FGF8: variants seen among roughly 807,000 people sequenced by gnomAD.
The protein encoded by FGF8 is fibroblast growth factor 8.
A neutral mutation model predicts 29.7 loss-of-function variants in FGF8; 12 were observed. The ratio of observed to expected loss-of-function variants is 0.40; its 90% CI spans 0.26 to 0.65. The LOEUF (loss-of-function observed/expected upper bound fraction) is 0.65, where lower values mean the gene tolerates loss of function less well. FGF8 is among the 30% of genes least tolerant of loss of function. FGF8 has a pLI of 0.37. For missense variants in FGF8, 271 were observed against 345.1 expected (o/e 0.79, Z 1.70); for synonymous variants, 157 against 144.4 (o/e 1.09, Z -0.63).
At chr10:101,779,202 TC>T (rs2065122679), upstream of FGF8, among the ~76,000 whole-genome samples, 7 of 151,650 alleles carry the variant, frequency 4.6e-5, no homozygotes, top group Admixed American at 4.6e-4. The surrounding 1 kb of genome is among the most constrained non-coding windows in gnomAD (Gnocchi z 5.7). Flanking sequence ...CGCAGCTCGC[TC>T]CGACGCGCGC....
chr10:101,771,375 T>C lies in FGF8; in HGVS notation c.444+88A>G. 1.0e-6 allele frequency: 1 copy of C among 989,776 alleles called. No homozygotes were observed. The highest frequency in any genetic ancestry group is 1.6e-6 in the Non-Finnish European group (1 of 616,986). 61.3% of individuals were successfully genotyped at this position (989,776 alleles called of 1,614,324 possible). A position where few individuals can be genotyped will look rare whatever the true frequency, so the allele number is the denominator to read the frequency against. ...TGGCCTTCTGCCTACCTTGTTGGGATCAGAGCCCAGGACTGTCTTGGAGGA... is the reference window on the plus strand; with the variant it reads ...TGGCCTTCTGCCTACCTTGTTGGGACCAGAGCCCAGGACTGTCTTGGAGGA... On this transcript the variant is annotated intron_variant, in intron 5 of 5. Coordinates refer to ENST00000320185, the MANE Select transcript of FGF8 (RefSeq NM_033163.5). This position sits in a 1 kb window ranked among gnomAD's most constrained non-coding sequence, Gnocchi z 5.3.
At chr10:101,777,331 C>A (rs1413244011), upstream of FGF8, among the ~76,000 whole-genome samples, 2 of 152,140 alleles carry the variant, frequency 1.3e-5, no homozygotes, top group African/African-American at 4.8e-5. Context: ...CTGCTGTCTT[C>A]ACTTACAACC....
rs979949869 is a variant in FGF8 at position 101,771,226 on chromosome 10, A to AC, written c.444+236dup. 1.3e-5 allele frequency among the ~76,000 whole-genome samples: 2 copies of AC among 151,300 alleles called. No individual in the cohort carries two copies. Among genetic ancestry groups the AC allele is most frequent in the African/African-American group, 4.9e-5 (2 of 41,078 alleles). On this transcript the variant is annotated intron_variant, in intron 5 of 5. Coordinates refer to ENST00000320185, the MANE Select transcript of FGF8 (RefSeq NM_033163.5). This position sits in a 1 kb window ranked among gnomAD's most constrained non-coding sequence, Gnocchi z 5.3. ...AGATATATGGAATTTACCAACCACC[A>AC]CCCCCCAGCCCCTTCCCTAGCCTTC...
At position 101,770,426 on chromosome 10, in the gene FGF8, G is replaced by T. The variant is rs1252351111; in HGVS notation, c.638C>A (p.Thr213Asn). Residue 213 changes from threonine to asparagine, a missense_variant, in exon 6 of 6, where the codon ACC becomes AAC. By Grantham distance (65) the Thr-to-Asn change is moderately conservative. Coordinates refer to ENST00000320185, the MANE Select transcript of FGF8 (RefSeq NM_033163.5). ...CTCGAAGCGCAGGCTCTGCTCGGTGGTGTGGTGGCCCCGGGGCAGCCGCTT... is the reference window on the plus strand; with the variant it reads ...CTCGAAGCGCAGGCTCTGCTCGGTGTTGTGGTGGCCCCGGGGCAGCCGCTT... ...FMKRLPRGHH[T>N]TEQSLRFEFL... is the part of the protein sequence containing the mutation. 1 of 1,609,122 alleles carries T rather than the reference G, an allele frequency of 6.2e-7. No homozygotes were observed. Among genetic ancestry groups the T allele is most frequent in the African/African-American group, 1.3e-5 (1 of 74,904 alleles).
chr10:101,771,617 G>A lies in FGF8; in HGVS notation c.338-48C>T. On this transcript the variant is annotated intron_variant, in intron 4 of 5. Transcript: ENST00000320185. This position sits in a 1 kb window ranked among gnomAD's most constrained non-coding sequence, Gnocchi z 5.3. ...GGCTATTGGCAGATCCCTGACCCCA[G>A]CTGGCCCACACACTTGTCACAGCCC... 6.8e-7 allele frequency: 1 copy of A among 1,474,460 alleles called. No homozygotes were observed. Among genetic ancestry groups the A allele is most frequent in the Non-Finnish European group, 9.5e-7 (1 of 1,054,750 alleles). 91.3% of individuals were successfully genotyped at this position (1,474,460 alleles called of 1,614,324 possible).
rs1009658962 is a variant in FGF8 at position 101,772,823 on chromosome 10, G to T, written c.338-1254C>A. On this transcript the variant is annotated intron_variant, in intron 4 of 5. Transcript: ENST00000320185. The surrounding 1 kb of genome is among the most constrained non-coding windows in gnomAD (Gnocchi z 4.4). Reference sequence around the variant, plus strand: ...AAGCCCCCGGTTTGGCCCCAAGTCAGCAGGGAAATGCAGCTGTCACCTCCC... The same window carrying T: ...AAGCCCCCGGTTTGGCCCCAAGTCATCAGGGAAATGCAGCTGTCACCTCCC... 3.3e-5 allele frequency among the ~76,000 whole-genome samples: 5 copies of T among 152,160 alleles called. No homozygotes were observed. Among genetic ancestry groups the T allele is most frequent in the Non-Finnish European group, 7.4e-5 (5 of 68,018 alleles).
intron 4 of FGF8, among the ~76,000 whole-genome samples, chr10:101,773,741 G>A (rs1159986292): frequency 6.6e-6 from 1 of 152,178 alleles, no homozygotes; most frequent in Non-Finnish European, 1.5e-5. Context: ...TAAAAAAGGT[G>A]AAAGTAAGAA....
intron 4 of FGF8, among the ~76,000 whole-genome samples, chr10:101,773,676 A>G (rs1401002637): frequency 6.6e-6 from 1 of 152,200 alleles, no homozygotes; most frequent in Non-Finnish European, 1.5e-5. Context: ...ATGCAGCGAG[A>G]CATACTCGAT....
chr10:101,772,813 C>T lies in FGF8; in HGVS notation c.338-1244G>A, dbSNP rs543822401. On this transcript the variant is annotated intron_variant, in intron 4 of 5. Coordinates refer to ENST00000320185, the MANE Select transcript of FGF8 (RefSeq NM_033163.5). This position sits in a 1 kb window ranked among gnomAD's most constrained non-coding sequence, Gnocchi z 4.4. ...ACCAGTGGCCAAGCCCCCGGTTTGG[C>T]CCCAAGTCAGCAGGGAAATGCAGCT... 1.3e-5 allele frequency among the ~76,000 whole-genome samples: 2 copies of T among 152,274 alleles called. No individual in the cohort carries two copies. The highest frequency in any genetic ancestry group is 4.1e-4 in the South Asian group (2 of 4,828).
upstream of FGF8, chr10:101,780,269 T>C (rs1189741406): frequency 2.6e-5 from 4 of 152,066 alleles, no homozygotes; most frequent in Non-Finnish European, 1.5e-5. Flanking sequence ...AAGAGGGAGG[T>C]TGGAAACTGG....
chr10:101,774,597 G>A (rs1479264254), intron 4 of FGF8, 135 bp downstream of exon 4: 1 of 728,640 alleles, frequency 1.4e-6, no homozygotes, highest in Non-Finnish European at 2.3e-6. Context: ...CTCTTCCCCA[G>A]CTGACCCTCA....
rs1262050795 is a variant in FGF8, at chr10:101,775,500, G to A, written c.69+240C>T. 6.6e-6 allele frequency: 4 copies of A among 609,358 alleles called. No individual in the cohort carries two copies. The highest frequency in any genetic ancestry group is 2.9e-5 in the Admixed American group (1 of 34,190). The allele number at this position is 609,358 out of a possible 1,614,324, so 37.7% of individuals were successfully genotyped here. ...AGCCGGCGAGGATGCATGGGGGACA[G>A]TGCTGGGCTCCGAGACCTTCGTTTC... is the stretch of plus-strand genomic sequence containing the variant. On this transcript the variant is annotated intron_variant, in intron 2 of 5. Coordinates refer to ENST00000320185, the MANE Select transcript of FGF8 (RefSeq NM_033163.5). This position sits in a 1 kb window ranked among gnomAD's most constrained non-coding sequence, Gnocchi z 4.6.
upstream of FGF8, among the ~76,000 whole-genome samples, chr10:101,776,859 CA>C (rs895561352): frequency 2.6e-4 from 23 of 87,420 alleles, no homozygotes; most frequent in Non-Finnish European, 2.8e-4. Context: ...CCTCACCACA[CA>C]CACACACACA....
chr10:101,777,971 A>AGGGG (rs1403335714), upstream of FGF8, among the ~76,000 whole-genome samples: 3 of 152,196 alleles, frequency 2.0e-5, no homozygotes, highest in Non-Finnish European at 2.9e-5. Context: ...AGGCGGAGAC[A>AGGGG]AGTCAGGTGG....
Position 101,770,455 on chromosome 10 carries a change from G to A in FGF8, c.609C>T (p.Phe203=). Residue 203 remains phenylalanine, a synonymous_variant, in exon 6 of 6, where the codon TTC becomes TTT. Coordinates refer to ENST00000320185, the MANE Select transcript of FGF8 (RefSeq NM_033163.5). ...KTRQHQREVH[F]MKRLPRGHHT... ...GGTGGCCCCGGGGCAGCCGCTTCAT[G>A]AAGTGGACCTCACGCTGGTGCTGCC... 6.2e-7 allele frequency: 1 copy of A among 1,612,228 alleles called. No homozygotes were observed. The highest frequency in any genetic ancestry group is 8.5e-7 in the Non-Finnish European group (1 of 1,179,234).
chr10:101,775,422 C>T lies in FGF8; in HGVS notation c.70-206G>A, dbSNP rs2065075808. On this transcript the variant is annotated intron_variant, in intron 2 of 5. Coordinates refer to ENST00000320185, the MANE Select transcript of FGF8 (RefSeq NM_033163.5). This position sits in a 1 kb window ranked among gnomAD's most constrained non-coding sequence, Gnocchi z 4.6. ...GCTTCCCCTGGCATCGAACATCCAT[C>T]CCCTGGCCGCGGCTGCCCCCTTCCT... 8.3e-6 allele frequency: 5 copies of T among 606,006 alleles called. No individual in the cohort carries two copies. The South Asian group carries it at 9.8e-5, about 12-fold the overall frequency. 37.5% of individuals were successfully genotyped at this position (606,006 alleles called of 1,614,324 possible).
At chr10:101,770,740 C>A (rs1354062566) in intron 5 of FGF8, 121 bp from the exon 6 acceptor site, 1 of 1,078,696 alleles carries the variant, frequency 9.3e-7, no homozygotes, top group African/African-American at 1.5e-5. Flanking sequence ...AGCCGCAGCC[C>A]CACCCCCTGC....
Position 101,770,153 on chromosome 10 carries a change from AAAAAAAAAAAACAGC to A in FGF8, c.*161_*175del. The A allele has an allele frequency of 7.6e-6, 4 of 525,866 alleles. No individual in the cohort carries two copies. Among genetic ancestry groups the A allele is most frequent in the Non-Finnish European group, 1.3e-5 (4 of 302,410 alleles). 32.6% of individuals were successfully genotyped at this position (525,866 alleles called of 1,614,324 possible). On this transcript the variant is annotated 3_prime_UTR_variant, in exon 6 of 6. Coordinates refer to ENST00000320185, the MANE Select transcript of FGF8 (RefSeq NM_033163.5). ...CTCTCTTTTGTTTTAAAAAAAAAAA[AAAAAAAAAAAACAGC>A]AAAAACCCAACAGCAAACAATATCA... is the stretch of plus-strand genomic sequence containing the variant.
chr10:101,775,013 C>T lies in FGF8; in HGVS notation c.157-101G>A, dbSNP rs997319184. 4 of 1,519,934 alleles carry T rather than the reference C, an allele frequency of 2.6e-6. No homozygotes were observed. Among genetic ancestry groups the T allele is most frequent in the East Asian group, 2.3e-5 (1 of 43,464 alleles). 94.2% of individuals were successfully genotyped at this position (1,519,934 alleles called of 1,614,324 possible). On this transcript the variant is annotated intron_variant, in intron 3 of 5. Transcript: ENST00000320185. This position sits in a 1 kb window ranked among gnomAD's most constrained non-coding sequence, Gnocchi z 4.6. Reference sequence around the variant, plus strand: ...CTGCGTCCCCCTCACTGCCCCAAGCCGCCAGCAGGTGCTGGGGGTTCCCCC... The same window carrying T: ...CTGCGTCCCCCTCACTGCCCCAAGCTGCCAGCAGGTGCTGGGGGTTCCCCC...
Sources: allele counts gnomAD v4.1 joint callset (sites outside exome capture counted in the v4.1 genomes callset), GRCh38; gene constraint gnomAD v4.1.1; non-coding constraint Gnocchi (gnomAD v3.1); transcripts MANE v1.5; gene names NCBI Gene and HGNC (gene_info 2026-07-23, HGNC 2026-07-21).